Variants in POPDC2 observed in about 807,000 individuals in gnomAD.
The protein encoded by POPDC2 is popeye domain cAMP effector 2, also known as popeye domain-containing protein 2.
Under a neutral mutation model 30.5 loss-of-function variants are expected in POPDC2, and 24 were observed. The ratio of observed to expected loss-of-function variants is 0.79; its 90% CI spans 0.57 to 1.11. The LOEUF (loss-of-function observed/expected upper bound fraction) is 1.11. Among genes scored for constraint, POPDC2 ranks in the 50% least tolerant of loss-of-function variants. The probability of loss-of-function intolerance (pLI) is 0.00; values close to 1 mark genes in which losing one functional copy is unlikely to be tolerated. For missense variants in POPDC2, 409 were observed against 447.0 expected, an observed-to-expected ratio of 0.91 and a Z score of 0.77; for synonymous variants, 185 against 183.3, an observed-to-expected ratio of 1.01 and a Z score of -0.07.
chr3:119,643,296 C>T, intron 3 of POPDC2: 1 of 953,468 alleles, frequency 1.0e-6, no homozygotes, highest in Non-Finnish European at 1.6e-6. Context: ...AGCAGGCTGA[C>T]ATGTGACTTA....
chr3:119,660,093 G>T lies in POPDC2; in HGVS notation c.331C>A (p.Leu111Ile), dbSNP rs751441421. The T allele has an allele frequency of 6.2e-7, 1 of 1,614,182 alleles. No individual in the cohort carries two copies. Among genetic ancestry groups the T allele is most frequent in the Non-Finnish European group, 8.5e-7 (1 of 1,180,002 alleles). The part of the protein sequence containing the change: ...EDTLPEEFDL[L>I]YKTLCLPLQV... The stretch of plus-strand genomic sequence containing the variant: ...AAGGGCAGGCACAGCGTCTTGTAGA[G>T]GAGGTCAAACTCCTCAGGGAGGGTG... Residue 111 changes from leucine to isoleucine, a missense_variant, in exon 1 of 4, where the codon CTC becomes ATC. Coordinates refer to ENST00000493094, the MANE Select transcript of POPDC2 (RefSeq NM_001369919.2).
At position 119,648,158 on chromosome 3, in the gene POPDC2, C is replaced by T. The variant is rs759401497; in HGVS notation, c.*4G>A. 3.1e-5 allele frequency: 46 copies of T among 1,507,906 alleles called. No homozygotes were observed. Among genetic ancestry groups the T allele is most frequent in the Non-Finnish European group, 4.1e-5 (46 of 1,124,166 alleles). 93.4% of individuals were successfully genotyped at this position (1,507,906 alleles called of 1,614,324 possible). ...CGGTGGCTGTGCCCATGTTAGTTCTCCCTTCACCTCATGTACTCCCCATCA... is the reference window on the plus strand; with the variant it reads ...CGGTGGCTGTGCCCATGTTAGTTCTTCCTTCACCTCATGTACTCCCCATCA... On this transcript the variant is annotated 3_prime_UTR_variant, in exon 3 of 4. Transcript: ENST00000493094.
At chr3:119,656,265 A>G (rs1432883631) in intron 1 of POPDC2, among the ~76,000 whole-genome samples, 3 of 152,174 alleles carry the variant, frequency 2.0e-5, no homozygotes, top group South Asian at 2.1e-4. Context: ...CTTGAGTTTC[A>G]TAAGAAATCC....
intron 3 of POPDC2, among the ~76,000 whole-genome samples, chr3:119,643,797 C>G (rs951953691): frequency 6.6e-6 from 1 of 152,150 alleles, no homozygotes; most frequent in African/African-American, 2.4e-5. Context: ...TTTCTTATGG[C>G]CCCTGCTTGA....
chr3:119,660,201 G>A lies in POPDC2; in HGVS notation c.223C>T (p.Leu75=). Residue 75 remains leucine (L), a synonymous_variant, in exon 1 of 4, where the codon CTG becomes TTG. Transcript: ENST00000493094. ...AGGAAGCTCCAAAGAACAATGTCCA[G>A]GCCACAGGCACTGAACCAGCCCCAC... is the stretch of plus-strand genomic sequence containing the variant. ...VLWGWFSACG[L]DIVLWSFLLA... The A allele has an allele frequency of 6.2e-7, 1 of 1,614,194 alleles. No individual in the cohort carries two copies. The highest frequency in any genetic ancestry group is 8.5e-7 in the Non-Finnish European group (1 of 1,180,034).
chr3:119,642,664 C>T (rs2052703061), intron 3 of POPDC2, 103 bp from the exon 4 acceptor site: 4 of 749,442 alleles, frequency 5.3e-6, no homozygotes, highest in Non-Finnish European at 9.0e-6. Flanking sequence ...TACCAATTCC[C>T]AATGTTTTAA....
At chr3:119,650,018 GA>G (rs1387724225) in intron 2 of POPDC2, among the ~76,000 whole-genome samples, 1 of 152,194 alleles carries the variant, frequency 6.6e-6, no homozygotes. Flanking sequence ...TCATGAGAAA[GA>G]ATTCTGAAAA....
chr3:119,656,839 C>T (rs2052885047), intron 1 of POPDC2, among the ~76,000 whole-genome samples: 1 of 152,172 alleles, frequency 6.6e-6, no homozygotes, highest in African/African-American at 2.4e-5. Flanking sequence ...TCCATTATTT[C>T]TGGAGGTTTA....
intron 3 of POPDC2, among the ~76,000 whole-genome samples, chr3:119,646,123 G>A (rs1051165120): frequency 6.6e-6 from 1 of 152,240 alleles, no homozygotes; most frequent in African/African-American, 2.4e-5. Flanking sequence ...AGAGGGAAAA[G>A]TACTGATCTT....
rs1208798907 is a variant in POPDC2, at chr3:119,642,348, T to G, written c.*257A>C. On this transcript the variant is annotated 3_prime_UTR_variant, in exon 4 of 4. Coordinates refer to ENST00000493094, the MANE Select transcript of POPDC2 (RefSeq NM_001369919.2). ...TTACTGTAGCGACAGTGTTGGCACC[T>G]TCTGTGTCCTCTCTCACCTTGCCTG... is the stretch of plus-strand genomic sequence containing the variant. The G allele has an allele frequency of 8.9e-6, 6 of 672,210 alleles. No homozygotes were observed. 41.6% of individuals were successfully genotyped at this position (672,210 alleles called of 1,614,324 possible).
intron 1 of POPDC2, among the ~76,000 whole-genome samples, chr3:119,658,920 T>C (rs1487359117): frequency 3.9e-5 from 2 of 50,706 alleles, no homozygotes; most frequent in South Asian, 1.9e-3. Context: ...GATTTGCTTT[T>C]TTTTTTTTTT....
At chr3:119,656,948 A>G (rs998566420) in intron 1 of POPDC2, among the ~76,000 whole-genome samples, 2 of 152,204 alleles carry the variant, frequency 1.3e-5, no homozygotes, top group Non-Finnish European at 2.9e-5. Context: ...GGATTTCACA[A>G]TTTAGTGGAA....
At chr3:119,643,505 A>C in intron 3 of POPDC2, 1 of 1,168,276 alleles carries the variant, frequency 8.6e-7, no homozygotes, top group Non-Finnish European at 1.2e-6. Context: ...TGTACATACA[A>C]CAGAATCTTA....
In POPDC2 at chr3:119,642,630, T is replaced by C. The variant is rs2052702776; in HGVS notation, c.*44-69A>G. On this transcript the variant is annotated intron_variant, in intron 3 of 3. Transcript: ENST00000493094. Reference sequence around the variant, plus strand: ...GACAGTTTGTCTAACTTCAAAGGGTTCTTTTCAGTTTTTTTCTTTCCTTTA... The same window carrying C: ...GACAGTTTGTCTAACTTCAAAGGGTCCTTTTCAGTTTTTTTCTTTCCTTTA... The C allele has an allele frequency of 6.4e-6, 7 of 1,098,686 alleles. No individual in the cohort carries two copies. The South Asian group carries it at 9.3e-5, about 15-fold the overall frequency. 68.1% of individuals were successfully genotyped at this position (1,098,686 alleles called of 1,614,324 possible).
intron 1 of POPDC2, among the ~76,000 whole-genome samples, chr3:119,657,721 T>C (rs1394225922): frequency 6.6e-6 from 1 of 152,200 alleles, no homozygotes; most frequent in African/African-American, 2.4e-5. Flanking sequence ...AGATAATGTC[T>C]AATGATCTTC....
chr3:119,658,707 T>G (rs750945223), intron 1 of POPDC2, among the ~76,000 whole-genome samples: 2 of 152,232 alleles, frequency 1.3e-5, no homozygotes, highest in African/African-American at 2.4e-5. Context: ...TGAAATGAAA[T>G]GTACCCTCAC....
chr3:119,646,279 CAA>C (rs1335419480), intron 3 of POPDC2, among the ~76,000 whole-genome samples: 4 of 152,030 alleles, frequency 2.6e-5, no homozygotes, highest in Admixed American at 2.0e-4. Context: ...TGGAAGAAAA[CAA>C]GAGACAAGTG....
Position 119,648,514 on chromosome 3 carries a change from A to G in POPDC2, c.755T>C (p.Leu252Pro). The G allele has an allele frequency of 6.2e-7, 1 of 1,614,070 alleles. No individual in the cohort carries two copies. The highest frequency in any genetic ancestry group is 8.5e-7 in the Non-Finnish European group (1 of 1,180,002). The change falls in exon 3 of 4, where the codon CTC (leucine) becomes CCC (proline). Residue 252 changes from leucine (L) to proline (P), a missense_variant. Physicochemically the swap from Leu to Pro is moderately conservative, Grantham distance 98. Transcript: ENST00000493094. ...SEKLYTLNDK[L>P]FAKFGLRFDI... is the part of the protein sequence containing the mutation. ...AAAGCGCAGCCCAAACTTAGCAAAG[A>G]GCTTGTCATTGAGAGTGTAGAGCTT...
rs1426156798 is a variant in POPDC2 at position 119,648,668 on chromosome 3, C to A, written c.601G>T (p.Val201Phe). ...CATGAGGTCTCAGCAGTCAGAGTGACCTGAGAGGGGTCAGAAGCAGACAAT... is the reference window on the plus strand; with the variant it reads ...CATGAGGTCTCAGCAGTCAGAGTGAACTGAGAGGGGTCAGAAGCAGACAAT... The part of the protein sequence containing the change: ...LQPSEEGVFQ[V>F]TLTAETSCSY... The change falls in exon 3 of 4, where the codon GTC becomes TTC. Residue 201 changes from valine (V) to phenylalanine (F), a missense_variant and splice_region_variant. Physicochemically the swap from Val to Phe is conservative, Grantham distance 50 (BLOSUM62 -1). Coordinates refer to ENST00000493094, the MANE Select transcript of POPDC2 (RefSeq NM_001369919.2). 1 of 1,610,072 alleles carries A rather than the reference C, an allele frequency of 6.2e-7. No homozygotes were observed. Among genetic ancestry groups the A allele is most frequent in the Non-Finnish European group, 8.5e-7 (1 of 1,177,874 alleles).
Sources: allele counts gnomAD v4.1 joint callset (sites outside exome capture counted in the v4.1 genomes callset), GRCh38; gene constraint gnomAD v4.1.1; transcripts MANE v1.5; gene names NCBI Gene and HGNC (gene_info 2026-07-23, HGNC 2026-07-21).